Variants in COL4A1 observed in about 807,000 individuals in gnomAD.
COL4A1 encodes the protein collagen type IV alpha 1 chain, also known as collagen alpha-1(IV) chain.
Under a neutral mutation model 216.6 loss-of-function variants are expected in COL4A1, and 40 were observed. That is an observed-to-expected ratio of 0.18 (90% CI 0.14 to 0.24). The LOEUF (loss-of-function observed/expected upper bound fraction) is 0.24, where lower values mean the gene tolerates loss of function less well. Among genes scored for constraint, COL4A1 ranks in the 10% least tolerant of loss-of-function variants. COL4A1 has a pLI of 1.00. For missense variants in COL4A1, 1,628 were observed against 2,196.8 expected, an observed-to-expected ratio of 0.74 and a Z score of 5.18; for synonymous variants, 839 against 810.7, an observed-to-expected ratio of 1.03 and a Z score of -0.59.
chr13:110,225,530 C>A (rs974407600), intron 2 of COL4A1, among the ~76,000 whole-genome samples: 1 of 152,118 alleles, frequency 6.6e-6, no homozygotes, highest in Non-Finnish European at 1.5e-5. Flanking sequence ...TTGCAGTGAG[C>A]CGAGATCATG....
At chr13:110,214,776 G>A (rs577399192) in intron 2 of COL4A1, among the ~76,000 whole-genome samples, 1 of 152,268 alleles carries the variant, frequency 6.6e-6, no homozygotes, top group Non-Finnish European at 1.5e-5. Flanking sequence ...AGGCTTGCAG[G>A]CGGCAGATCA....
intron 12 of COL4A1, among the ~76,000 whole-genome samples, chr13:110,208,425 C>G (rs557013906): frequency 6.6e-6 from 1 of 152,132 alleles, no homozygotes; most frequent in African/African-American, 2.4e-5. Flanking sequence ...GAAGAGAGGC[C>G]GGTGGTGAGG....
At chr13:110,178,614 C>T (rs1280884288) in intron 31 of COL4A1, among the ~76,000 whole-genome samples, 2 of 152,138 alleles carry the variant, frequency 1.3e-5, no homozygotes, top group Non-Finnish European at 2.9e-5. Flanking sequence ...AATTATCCAC[C>T]ACTAATTAAC....
intron 22 of COL4A1, 51 bp downstream of exon 22, chr13:110,194,972 A>T: frequency 2.6e-6 from 4 of 1,544,754 alleles, no homozygotes; most frequent in Non-Finnish European, 3.6e-6. Context: ...TGTGGGAAAA[A>T]ATCATACGCA....
At chr13:110,210,691 G>C (rs902393608) in intron 8 of COL4A1, among the ~76,000 whole-genome samples, 1 of 152,344 alleles carries the variant, frequency 6.6e-6, no homozygotes, top group African/African-American at 2.4e-5. Flanking sequence ...AGATGTTTCT[G>C]TGAAGGGATT....
At chr13:110,152,539 T>C (rs1336404380) in intron 50 of COL4A1, 33 bp from the exon 51 acceptor site, 4 of 1,592,214 alleles carry the variant, frequency 2.5e-6, no homozygotes, top group Admixed American at 1.7e-5. Flanking sequence ...GAGTCAGAGG[T>C]TCCCTCCCCA....
chr13:110,230,245 GTGTGTGTGGTGTGTGTATATGTTA>G (rs1220368065), intron 2 of COL4A1, among the ~76,000 whole-genome samples: 7 of 148,290 alleles, frequency 4.7e-5, no homozygotes, highest in East Asian at 1.9e-4. Flanking sequence ...TGGTATGTAT[GTGTGTGTGGTGTGTGTATATGTTA>G]TGTGTGTGGT....
rs550808618 is a variant in COL4A1 at position 110,178,176 on chromosome 13, C to A, written c.2514G>T (p.Met838Ile). The A allele has an allele frequency of 5.6e-6, 9 of 1,614,204 alleles. 1 individual carries two copies. The South Asian group carries it at 7.7e-5, about 14-fold the overall frequency. The change falls in exon 32 of 52, where the codon ATG (methionine) becomes ATT (isoleucine). Residue 838 changes from methionine to isoleucine, a missense_variant. Around this residue, in one of 8 missense-constraint regions of COL4A1, gnomAD observed 701 missense variants for 892.5 expected, o/e 0.79. Coordinates refer to ENST00000375820, the MANE Select transcript of COL4A1 (RefSeq NM_001845.6). The stretch of plus-strand genomic sequence containing the variant: ...CCCCTTTATCTCCTTTAGGGCCCGG[C>A]ATGTCCAGTCCAGGGAATCCGGGGA... ...KGFPGFPGLD[M>I]PGPKGDKGAQ... is the part of the protein sequence containing the mutation.
intron 2 of COL4A1, among the ~76,000 whole-genome samples, chr13:110,239,989 C>T (rs1881486375): frequency 6.6e-6 from 1 of 152,136 alleles, no homozygotes; most frequent in African/African-American, 2.4e-5. Flanking sequence ...CTGTGTGAAC[C>T]ATAGGACCTG....
chr13:110,198,624 A>T lies in COL4A1; in HGVS notation c.1128T>A (p.Pro376=), dbSNP rs775677790. Residue 376 remains proline (P), a synonymous_variant, in exon 21 of 52, where the codon CCT becomes CCA. Transcript: ENST00000375820. ...CAGGGGCACCAGCCTGCCCAGGTAC[A>T]GGGAGGCCTGCAACCAGACAGAAGC... ...LPGQPGPPGL[P]VPGQAGAPGF... is the part of the protein sequence containing the mutation. 1 of 1,614,076 alleles carries T rather than the reference A, an allele frequency of 6.2e-7. No homozygotes were observed. Among genetic ancestry groups the T allele is most frequent in the South Asian group, 1.1e-5 (1 of 91,086 alleles).
chr13:110,164,716 A>G (rs1187448301), intron 46 of COL4A1, 146 bp downstream of exon 46: 2 of 1,265,288 alleles, frequency 1.6e-6, no homozygotes, highest in Non-Finnish European at 2.1e-6. Flanking sequence ...TTTGATATGC[A>G]TTGAAGGGAG....
chr13:110,280,840 A>C (rs1883602306), intron 1 of COL4A1, among the ~76,000 whole-genome samples: 1 of 152,140 alleles, frequency 6.6e-6, no homozygotes, highest in Non-Finnish European at 1.5e-5. Context: ...TTCAACGAAC[A>C]CATGTTATGA....
intron 1 of COL4A1, among the ~76,000 whole-genome samples, chr13:110,261,279 C>T (rs941079417): frequency 5.9e-5 from 9 of 152,268 alleles, no homozygotes; most frequent in African/African-American, 1.9e-4. Flanking sequence ...CAACTTCACC[C>T]AGAAGGGACT....
intron 1 of COL4A1, among the ~76,000 whole-genome samples, chr13:110,290,947 C>G (rs932197825): frequency 6.6e-6 from 1 of 152,208 alleles, no homozygotes; most frequent in Non-Finnish European, 1.5e-5. Context: ...TGGCAGAAGC[C>G]AAGGGCGATT....
chr13:110,307,074 G>A lies in COL4A1; in HGVS notation c.-47C>T, dbSNP rs556295542. 4.8e-5 allele frequency: 67 copies of A among 1,381,962 alleles called. 2 individuals carry two copies. The South Asian group carries it at 7.4e-4, about 15-fold the overall frequency. The allele number at this position is 1,381,962 out of a possible 1,614,324, so 85.6% of individuals were successfully genotyped here. A position where few individuals can be genotyped will look rare whatever the true frequency, so the allele number is the denominator to read the frequency against. ...AGGGACGGCTGCCCGGCGTGCGGGG[G>A]CCGCGGCGGACAGCTAGCTCTCGGA... is the stretch of plus-strand genomic sequence containing the variant. On this transcript the variant is annotated 5_prime_UTR_variant, in exon 1 of 52. Transcript: ENST00000375820. This position sits in a 1 kb window ranked among gnomAD's most constrained non-coding sequence, Gnocchi z 5.0.
At chr13:110,260,271 T>C (rs1040194491) in intron 1 of COL4A1, among the ~76,000 whole-genome samples, 1 of 152,162 alleles carries the variant, frequency 6.6e-6, no homozygotes, top group Non-Finnish European at 1.5e-5. Context: ...GCAGGGGAAC[T>C]CCCATTTATA....
chr13:110,260,014 T>G (rs1882750510), intron 1 of COL4A1, among the ~76,000 whole-genome samples: 3 of 152,190 alleles, frequency 2.0e-5, no homozygotes, highest in African/African-American at 4.8e-5. Context: ...AACCTAATCT[T>G]ACATCTCTCT....
chr13:110,306,270 T>C (rs569710651), intron 1 of COL4A1, among the ~76,000 whole-genome samples: 2 of 152,308 alleles, frequency 1.3e-5, no homozygotes, highest in Non-Finnish European at 2.9e-5. Flanking sequence ...TGCTCAAATA[T>C]GAATGTGGTT....
chr13:110,290,485 C>G (rs1884040807), intron 1 of COL4A1, among the ~76,000 whole-genome samples: 1 of 152,104 alleles, frequency 6.6e-6, no homozygotes, highest in Non-Finnish European at 1.5e-5. Context: ...GGTTACAAAC[C>G]CATAGCATTC....
Sources: allele counts gnomAD v4.1 joint callset (sites outside exome capture counted in the v4.1 genomes callset), GRCh38; gene constraint gnomAD v4.1.1; regional missense constraint gnomAD v4.1.1; non-coding constraint Gnocchi (gnomAD v3.1); transcripts MANE v1.5; gene names NCBI Gene and HGNC (gene_info 2026-07-23, HGNC 2026-07-21).